The following GHR variants were observed in gnomAD, a reference collection of about 807,000 sequenced individuals.
GHR encodes GH receptor.
GHR carries 35 observed loss-of-function variants against 67.1 expected under a neutral mutation model. That is an observed-to-expected ratio of 0.52 (90% confidence interval 0.40 to 0.69). GHR has a LOEUF of 0.69. Ranked by LOEUF, GHR falls within the 30% of genes least tolerant of loss-of-function variation. The pLI is 0.00. For synonymous variants in GHR, 272 were observed against 269.1 expected, an observed-to-expected ratio of 1.01 and a Z score of -0.10; for missense variants, 792 against 764.6, an observed-to-expected ratio of 1.04 and a Z score of -0.42.
At chr5:42,566,950 T>A (rs1034919194) in intron 2 of GHR, among the ~76,000 whole-genome samples, 1 of 152,184 alleles carries the variant, frequency 6.6e-6, no homozygotes, top group Admixed American at 6.5e-5. Flanking sequence ...GAGTAAAATA[T>A]GTTATTTTAT....
intron 1 of GHR, chr5:42,465,304 A>ATT (rs36031970): frequency 1.2e-3 from 709 of 610,130 alleles, no homozygotes; most frequent in Middle Eastern, 3.8e-3. Context: ...TGAAGAACAG[A>ATT]TTTTTTTTTT....
chr5:42,718,329 T>C lies in GHR; in HGVS notation c.946-124T>C, dbSNP rs926498539. 4 of 804,038 alleles carry C rather than the reference T, an allele frequency of 5.0e-6. No individual in the cohort carries two copies. The African/African-American group carries it at 7.0e-5, about 14-fold the overall frequency. 49.8% of individuals were successfully genotyped at this position (804,038 alleles called of 1,614,324 possible). A position where few individuals can be genotyped will look rare whatever the true frequency, so the allele number is the denominator to read the frequency against. ...AAAAGTTACACACTAATTTATGTTT[T>C]TTTATATGTTTTGTTACTGTTGTTC... is the stretch of plus-strand genomic sequence containing the variant. On this transcript the variant is annotated intron_variant, in intron 9 of 9. Coordinates refer to ENST00000230882, the MANE Select transcript of GHR (RefSeq NM_000163.5).
intron 2 of GHR, among the ~76,000 whole-genome samples, chr5:42,622,699 T>C (rs886587070): frequency 1.1e-4 from 16 of 152,298 alleles, no homozygotes; most frequent in Admixed American, 2.6e-4. Flanking sequence ...TATTCAGGGG[T>C]GTTTCTAAAT....
At chr5:42,688,623 G>A (rs567007547) in intron 3 of GHR, among the ~76,000 whole-genome samples, 2 of 152,068 alleles carry the variant, frequency 1.3e-5, no homozygotes, top group African/African-American at 4.8e-5. Context: ...CTCTAGCTCT[G>A]GTTTCTTAAA....
chr5:42,475,535 T>G (rs910385984), intron 1 of GHR, among the ~76,000 whole-genome samples: 3 of 152,114 alleles, frequency 2.0e-5, no homozygotes, highest in African/African-American at 7.2e-5. Flanking sequence ...TCCTTCCCTT[T>G]CTAGTTGGGT....
At chr5:42,585,732 A>G (rs2112573560) in intron 2 of GHR, among the ~76,000 whole-genome samples, 1 of 152,318 alleles carries the variant, frequency 6.6e-6, no homozygotes, top group East Asian at 1.9e-4. Flanking sequence ...TGCATAAAAT[A>G]CTCAGTACAT....
chr5:42,604,704 C>T (rs1415362983), intron 2 of GHR, among the ~76,000 whole-genome samples: 1 of 80,116 alleles, frequency 1.2e-5, no homozygotes, highest in Non-Finnish European at 2.3e-5. Flanking sequence ...AGTAATATCA[C>T]ACCCCTCTAT....
chr5:42,702,154 A>G (rs1039920940), intron 6 of GHR, among the ~76,000 whole-genome samples: 3 of 152,124 alleles, frequency 2.0e-5, no homozygotes, highest in African/African-American at 7.2e-5. Flanking sequence ...TCTTAAACTC[A>G]TTCCTACTAA....
chr5:42,718,269 A>G lies in GHR; in HGVS notation c.945+148A>G, dbSNP rs765106460. The G allele has an allele frequency of 5.6e-5, 40 of 720,312 alleles. 2 individuals carry two copies. The South Asian group carries it at 6.6e-4, about 12-fold the overall frequency. The allele number at this position is 720,312 out of a possible 1,614,324, so 44.6% of individuals were successfully genotyped here. On this transcript the variant is annotated intron_variant, in intron 9 of 9. Transcript: ENST00000230882. ...TGGAGAAAATTTTTTTAAATATTCT[A>G]TTTCTTAAAAATAAGAAAACGTCAT...
chr5:42,448,000 G>T (rs763987025), intron 1 of GHR, among the ~76,000 whole-genome samples: 1 of 151,928 alleles, frequency 6.6e-6, no homozygotes, highest in African/African-American at 2.4e-5. Context: ...GACCTCCAGT[G>T]ATCCACCCAC....
At chr5:42,621,922 CT>C (rs1753465488) in intron 2 of GHR, among the ~76,000 whole-genome samples, 1 of 152,134 alleles carries the variant, frequency 6.6e-6, no homozygotes, top group Admixed American at 6.6e-5. Context: ...ATTACACAGG[CT>C]TCTTTAGAGC....
At chr5:42,493,788 C>T (rs1028891571) in intron 1 of GHR, among the ~76,000 whole-genome samples, 4 of 152,176 alleles carry the variant, frequency 2.6e-5, no homozygotes, top group Non-Finnish European at 5.9e-5. Context: ...AATATAATTA[C>T]ATTAGTAAAA....
At position 42,695,085 on chromosome 5, in the gene GHR, A is replaced by C. The variant is rs770505758; in HGVS notation, c.435A>C (p.Glu145Asp). Residue 145 changes from glutamate (E) to aspartate (D), a missense_variant, in exon 5 of 10, where the codon GAA becomes GAC. Glu to Asp is a conservative substitution (Grantham distance 45, BLOSUM62 2). Transcript: ENST00000230882. ...TVDEKCFSVD[E>D]IVQPDPPIAL... ...ATGAAAAGTGTTTCTCTGTTGATGA[A>C]ATAGGTAAATCACAGGTTTTTGTTT... 2 of 1,603,318 alleles carry C rather than the reference A, an allele frequency of 1.2e-6. No homozygotes were observed. Among genetic ancestry groups the C allele is most frequent in the Non-Finnish European group, 1.7e-6 (2 of 1,170,240 alleles).
intron 1 of GHR, among the ~76,000 whole-genome samples, chr5:42,517,139 T>G (rs1579854645): frequency 2.0e-5 from 3 of 152,234 alleles, no homozygotes; most frequent in African/African-American, 7.2e-5. Context: ...AAAAAATAAC[T>G]ATCATGTTGA....
Position 42,577,052 on chromosome 5 carries a change from G to A in GHR, c.70+11108G>A, listed in dbSNP as rs138876878. Among the ~76,000 whole-genome samples the A allele has an allele frequency of 4.8e-3, 731 of 152,270 alleles. 3 individuals are homozygous for A. Among genetic ancestry groups the A allele is most frequent in the African/African-American group, 0.016 (679 of 41,556 alleles). On this transcript the variant is annotated intron_variant, in intron 2 of 9. Coordinates refer to ENST00000230882, the MANE Select transcript of GHR (RefSeq NM_000163.5). ...TTGCTTTTTTGAGAAAATACTTTAG[G>A]CCAATTACAATTATCTGAAAGTAGA...
intron 3 of GHR, among the ~76,000 whole-genome samples, chr5:42,640,372 G>A (rs896961445): frequency 6.6e-6 from 1 of 152,130 alleles, no homozygotes; most frequent in Non-Finnish European, 1.5e-5. Flanking sequence ...TGAGGAGCGA[G>A]TAGGAACATA....
chr5:42,697,809 G>A (rs904197604), intron 5 of GHR, among the ~76,000 whole-genome samples: 3 of 152,108 alleles, frequency 2.0e-5, no homozygotes, highest in South Asian at 2.1e-4. Flanking sequence ...GTGTCAGTTC[G>A]CTTGAGGATT....
chr5:42,701,960 T>C (rs967843058), intron 6 of GHR, among the ~76,000 whole-genome samples: 1 of 152,158 alleles, frequency 6.6e-6, no homozygotes, highest in African/African-American at 2.4e-5. Flanking sequence ...TTTGTATATT[T>C]ATTGTGTACA....
In GHR at chr5:42,482,606, T is replaced by G. The variant is rs549061190; in HGVS notation, c.-12+58651T>G. ...GTGGGCGCCCCTCCCCCAGCCTCGC[T>G]GCCGCCTTGCAGTTCAATCTTAGAC... On this transcript the variant is annotated intron_variant, in intron 1 of 9. Transcript: ENST00000230882. Among the ~76,000 whole-genome samples the G allele has an allele frequency of 2.0e-5, 3 of 152,214 alleles. No homozygotes were observed. The South Asian group carries it at 6.2e-4, about 32-fold the overall frequency.
Sources: allele counts gnomAD v4.1 joint callset (sites outside exome capture counted in the v4.1 genomes callset), GRCh38; gene constraint gnomAD v4.1.1; transcripts MANE v1.5; gene names NCBI Gene and HGNC (gene_info 2026-07-23, HGNC 2026-07-21).